ARHGAP15: variants seen among roughly 807,000 people sequenced by gnomAD.
The protein encoded by ARHGAP15 is Rho GTPase activating protein 15, also known as rho GTPase-activating protein 15.
A neutral mutation model predicts 63.7 loss-of-function variants in ARHGAP15; 51 were observed. The ratio of observed to expected loss-of-function variants is 0.80; its 90% CI spans 0.64 to 1.01. The LOEUF is 1.01. ARHGAP15 is among the 50% of genes least tolerant of loss of function. The probability of loss-of-function intolerance (pLI) is 0.00; values close to 1 mark genes in which losing one functional copy is unlikely to be tolerated. For missense variants in ARHGAP15, 560 were observed against 564.6 expected (o/e 0.99, Z 0.08); for synonymous variants, 191 against 193.8 (o/e 0.99, Z 0.12).
chr2:143,538,495 A>G (rs1276069566), intron 10 of ARHGAP15, among the ~76,000 whole-genome samples: 3 of 152,246 alleles, frequency 2.0e-5, no homozygotes, highest in African/African-American at 7.2e-5. Flanking sequence ...TTGTCCACTC[A>G]GTATGATATT....
Position 143,178,408 on chromosome 2 carries a change from T to C in ARHGAP15, c.165+22753T>C, listed in dbSNP as rs137860631. Among the ~76,000 whole-genome samples the C allele has an allele frequency of 2.0e-5, 3 of 152,318 alleles. No individual in the cohort carries two copies. In the East Asian group the frequency reaches 5.8e-4, roughly 29 times the overall value. Reference sequence around the variant, plus strand: ...GGTGGCAATAAAAATTGAGAAGTTATCAGTTTTAAAGAACTCATTAAAATC... The same window carrying C: ...GGTGGCAATAAAAATTGAGAAGTTACCAGTTTTAAAGAACTCATTAAAATC... On this transcript the variant is annotated intron_variant, in intron 2 of 13. Transcript: ENST00000295095.
At chr2:143,370,965 A>C (rs1285063913) in intron 6 of ARHGAP15, among the ~76,000 whole-genome samples, 1 of 152,246 alleles carries the variant, frequency 6.6e-6, no homozygotes. Flanking sequence ...CACTTGGACC[A>C]AAGTGACTAT....
intron 1 of ARHGAP15, 76 bp from the exon 2 acceptor site, chr2:143,155,401 C>A: frequency 2.3e-6 from 3 of 1,299,084 alleles, no homozygotes; most frequent in South Asian, 1.5e-5. Context: ...CTAATGATTA[C>A]TAGGGACACT....
chr2:143,447,971 T>C (rs966251945), intron 8 of ARHGAP15, among the ~76,000 whole-genome samples: 2 of 152,132 alleles, frequency 1.3e-5, no homozygotes, highest in Non-Finnish European at 2.9e-5. Context: ...AAGTGATCCC[T>C]GGACACACAT....
chr2:143,664,815 A>G (rs1433538251), intron 12 of ARHGAP15, among the ~76,000 whole-genome samples: 1 of 152,256 alleles, frequency 6.6e-6, no homozygotes, highest in African/African-American at 2.4e-5. Context: ...CAGAAAATCT[A>G]GAAGAAATGG....
intron 6 of ARHGAP15, among the ~76,000 whole-genome samples, chr2:143,277,506 C>T (rs952043533): frequency 5.3e-5 from 8 of 151,702 alleles, no homozygotes; most frequent in African/African-American, 1.7e-4. Flanking sequence ...TAATAGCCAT[C>T]TTTGGGCATC....
intron 5 of ARHGAP15, 31 bp from the exon 6 acceptor site, chr2:143,250,480 T>C: frequency 6.4e-7 from 1 of 1,555,808 alleles, no homozygotes; most frequent in Non-Finnish European, 8.9e-7. Flanking sequence ...TGTTGCATCC[T>C]CTTATTCTTA....
At chr2:143,656,934 GGTGTGTGTGTGT>G (rs5834961) in intron 12 of ARHGAP15, among the ~76,000 whole-genome samples, 8,475 of 145,012 alleles carry the variant, frequency 0.058, 363 homozygotes, top group South Asian at 0.096. Context: ...CAAAGTTTCT[GGTGTGTGTGTGT>G]GTGTGTGTGT....
At chr2:143,463,270 G>A (rs575051689) in intron 8 of ARHGAP15, among the ~76,000 whole-genome samples, 11 of 152,058 alleles carry the variant, frequency 7.2e-5, no homozygotes, top group East Asian at 5.8e-4. Context: ...GGCCGGGTGC[G>A]GTGGCTCACG....
At chr2:143,564,535 G>A (rs942047705) in intron 11 of ARHGAP15, among the ~76,000 whole-genome samples, 9 of 152,260 alleles carry the variant, frequency 5.9e-5, no homozygotes, top group Non-Finnish European at 7.4e-5. Context: ...GCATAGCCAG[G>A]TTTGGAAACT....
chr2:143,485,176 C>G (rs1371527266), intron 8 of ARHGAP15, among the ~76,000 whole-genome samples: 3 of 152,156 alleles, frequency 2.0e-5, no homozygotes, highest in Non-Finnish European at 2.9e-5. Context: ...CTGCAACTAT[C>G]AACCCGTCAT....
chr2:143,243,238 C>T (rs934544339), intron 5 of ARHGAP15, among the ~76,000 whole-genome samples: 2 of 152,076 alleles, frequency 1.3e-5, no homozygotes, highest in African/African-American at 4.8e-5. Context: ...CAGGTTTAAT[C>T]TAAGTCAGAG....
chr2:143,449,526 A>G (rs550432136), intron 8 of ARHGAP15, among the ~76,000 whole-genome samples: 2 of 152,056 alleles, frequency 1.3e-5, no homozygotes, highest in East Asian at 3.9e-4. Context: ...TTCAGGTTAG[A>G]TGTTAAAATT....
At chr2:143,712,157 G>GTGAT (rs1330788577) in intron 13 of ARHGAP15, among the ~76,000 whole-genome samples, 1 of 152,170 alleles carries the variant, frequency 6.6e-6, no homozygotes, top group Non-Finnish European at 1.5e-5. Flanking sequence ...ATGGGGGAAA[G>GTGAT]TGATGGATAC....
At chr2:143,130,187 T>C (rs1688866335) in intron 1 of ARHGAP15, among the ~76,000 whole-genome samples, 1 of 152,154 alleles carries the variant, frequency 6.6e-6, no homozygotes, top group African/African-American at 2.4e-5. Flanking sequence ...TATGTAATTA[T>C]ATAATTTTCC....
chr2:143,408,390 C>T (rs960526389), intron 6 of ARHGAP15, among the ~76,000 whole-genome samples: 2 of 151,406 alleles, frequency 1.3e-5, no homozygotes, highest in African/African-American at 4.8e-5. Flanking sequence ...CTCACTGAAA[C>T]TCTGGACCAC....
At chr2:143,203,617 G>A (rs1023981513) in intron 3 of ARHGAP15, among the ~76,000 whole-genome samples, 3 of 151,902 alleles carry the variant, frequency 2.0e-5, no homozygotes, top group African/African-American at 7.3e-5. Flanking sequence ...TATATCCCCT[G>A]AATCTAAATT....
chr2:143,415,390 A>G (rs1020736399), intron 6 of ARHGAP15, among the ~76,000 whole-genome samples: 2 of 152,186 alleles, frequency 1.3e-5, no homozygotes, highest in Non-Finnish European at 2.9e-5. Flanking sequence ...GATGAAAAAA[A>G]TATATTTGCA....
intron 12 of ARHGAP15, among the ~76,000 whole-genome samples, chr2:143,629,614 C>T (rs1698984130): frequency 6.6e-6 from 1 of 152,116 alleles, no homozygotes; most frequent in African/African-American, 2.4e-5. Context: ...GGTAACTCTA[C>T]AGATCCAAAG....
Sources: allele counts gnomAD v4.1 joint callset (sites outside exome capture counted in the v4.1 genomes callset), GRCh38; gene constraint gnomAD v4.1.1; transcripts MANE v1.5; gene names NCBI Gene and HGNC (gene_info 2026-07-23, HGNC 2026-07-21).